CRTC1: variants seen among roughly 807,000 people sequenced by gnomAD.
The protein encoded by CRTC1 is CREB regulated transcription coactivator 1.
In CRTC1, 18 loss-of-function variants were observed where a neutral mutation model predicts 66.1. The ratio of observed to expected loss-of-function variants is 0.27; its 90% CI spans 0.19 to 0.40. The LOEUF is 0.40. Ranked by LOEUF, CRTC1 falls within the 10% of genes least tolerant of loss-of-function variation. CRTC1 has a pLI of 1.00. For missense variants in CRTC1, 669 were observed against 887.9 expected (o/e 0.75, Z 3.13); for synonymous variants, 416 against 398.8 (o/e 1.04, Z -0.51).
intron 1 of CRTC1, among the ~76,000 whole-genome samples, chr19:18,698,360 C>T (rs531034053): frequency 1.3e-5 from 2 of 150,948 alleles, no homozygotes; most frequent in Non-Finnish European, 3.0e-5. Context: ...ACAGTGTGTA[C>T]TCAGCAGGTG....
chr19:18,686,679 T>A (rs932518418), intron 1 of CRTC1, among the ~76,000 whole-genome samples: 9 of 152,190 alleles, frequency 5.9e-5, no homozygotes, highest in Admixed American at 5.9e-4. Flanking sequence ...TCTGAAGATA[T>A]GCAGGTGGCA....
chr19:18,765,696 C>T (rs2054717029), intron 9 of CRTC1, among the ~76,000 whole-genome samples, 168 bp downstream of exon 9: 1 of 152,218 alleles, frequency 6.6e-6, no homozygotes, highest in South Asian at 2.1e-4. Context: ...TGCCGTAGCT[C>T]ATGCCTGTAA....
chr19:18,777,472 A>G lies in CRTC1; in HGVS notation c.*90A>G. On this transcript the variant is annotated 3_prime_UTR_variant, in exon 14 of 14. Transcript: ENST00000321949. This position sits in a 1 kb window ranked among gnomAD's most constrained non-coding sequence, Gnocchi z 5.5. ...GTGCTCCGTCCCTCGCCAACGGCCG[A>G]GCTTGTGATTCTGAGCTTGCAATGC... is the stretch of plus-strand genomic sequence containing the variant. 2 of 1,238,818 alleles carry G rather than the reference A, an allele frequency of 1.6e-6. No homozygotes were observed. The highest frequency in any genetic ancestry group is 2.3e-6 in the Non-Finnish European group (2 of 856,430). 76.7% of individuals were successfully genotyped at this position (1,238,818 alleles called of 1,614,324 possible).
chr19:18,777,723 G>T lies in CRTC1; in HGVS notation c.*341G>T, dbSNP rs922301418. On this transcript the variant is annotated 3_prime_UTR_variant, in exon 14 of 14. Transcript: ENST00000321949. This position sits in a 1 kb window ranked among gnomAD's most constrained non-coding sequence, Gnocchi z 5.5. ...GATGCGGGAAGTGTCAGCTCCCGGC[G>T]TGGCGGGCAGGCTCAGGGGAGGGGC... 1 of 363,716 alleles carries T rather than the reference G, an allele frequency of 2.7e-6. No individual in the cohort carries two copies. Among genetic ancestry groups the T allele is most frequent in the Non-Finnish European group, 5.0e-6 (1 of 198,148 alleles). 22.5% of individuals were successfully genotyped at this position (363,716 alleles called of 1,614,324 possible).
chr19:18,771,993 C>G lies in CRTC1; in HGVS notation c.1425+447C>G, dbSNP rs781434280. The stretch of plus-strand genomic sequence containing the variant: ...CTGCAGCCCTGCTTTCCCCTTCACC[C>G]CATAGGCAGCTGTGTTTCTCCAGAA... On this transcript the variant is annotated intron_variant, in intron 11 of 13. Coordinates refer to ENST00000321949, the MANE Select transcript of CRTC1 (RefSeq NM_015321.3). The surrounding 1 kb of genome is among the most constrained non-coding windows in gnomAD (Gnocchi z 4.6). Among the ~76,000 whole-genome samples the G allele has an allele frequency of 1.3e-5, 2 of 152,184 alleles. No individual in the cohort carries two copies. Among genetic ancestry groups the G allele is most frequent in the Non-Finnish European group, 2.9e-5 (2 of 68,022 alleles).
chr19:18,700,382 C>T (rs984492590), intron 1 of CRTC1, among the ~76,000 whole-genome samples: 9 of 152,156 alleles, frequency 5.9e-5, no homozygotes, highest in South Asian at 2.1e-4. Context: ...GAGACCACCA[C>T]GGTGCTTGGG....
At chr19:18,747,207 C>T (rs965030778) in intron 4 of CRTC1, 93 bp downstream of exon 4, 17 of 955,892 alleles carry the variant, frequency 1.8e-5, no homozygotes, top group South Asian at 2.9e-5. Context: ...AGGACACAGT[C>T]GCTTAAACAA....
Position 18,683,682 on chromosome 19 carries a change from G to C in CRTC1, c.-21G>C. On this transcript the variant is annotated 5_prime_UTR_variant, in exon 1 of 14. Transcript: ENST00000321949. ...AGGAGGTGGAGGAGGAGGAGGAGGA[G>C]GAGGAGGTGGCGGCGAGAAGATGGC... 1 of 1,385,204 alleles carries C rather than the reference G, an allele frequency of 7.2e-7. No individual in the cohort carries two copies. Among genetic ancestry groups the C allele is most frequent in the Non-Finnish European group, 9.6e-7 (1 of 1,043,656 alleles). The allele number at this position is 1,385,204 out of a possible 1,614,324, so 85.8% of individuals were successfully genotyped here.
chr19:18,775,967 C>G, intron 13 of CRTC1, 146 bp downstream of exon 13: 1 of 843,812 alleles, frequency 1.2e-6, no homozygotes, highest in Non-Finnish European at 1.8e-6. Context: ...GAGGCCACAC[C>G]CCCTCTCCCC....
At chr19:18,770,830 G>C (rs1428687450) in intron 10 of CRTC1, among the ~76,000 whole-genome samples, 1 of 150,104 alleles carries the variant, frequency 6.7e-6, no homozygotes, top group Non-Finnish European at 1.5e-5. Flanking sequence ...GTGTGTCCAT[G>C]TGGGTGTGGG....
rs2054878456 is a variant in CRTC1 at position 18,771,937 on chromosome 19, GGCTGGCCCGCCC to G, written c.1425+394_1425+405del. 6.6e-6 allele frequency among the ~76,000 whole-genome samples: 1 copy of G among 152,208 alleles called. No individual in the cohort carries two copies. The highest frequency in any genetic ancestry group is 6.5e-5 in the Admixed American group (1 of 15,288). On this transcript the variant is annotated intron_variant, in intron 11 of 13. Transcript: ENST00000321949. The surrounding 1 kb of genome is among the most constrained non-coding windows in gnomAD (Gnocchi z 4.6). Reference sequence around the variant, plus strand: ...CCCGACTTGGGGGTGCAGCTGAGGTGGCTGGCCCGCCCGCAGGGAAGGCGCTGACTCTGCAGC... The same window carrying G: ...CCCGACTTGGGGGTGCAGCTGAGGTGGCAGGGAAGGCGCTGACTCTGCAGC...
Position 18,771,043 on chromosome 19 carries a change from T to C in CRTC1, c.1321-399T>C, listed in dbSNP as rs1263067070. Among the ~76,000 whole-genome samples, 1 of 151,856 alleles carries C rather than the reference T, an allele frequency of 6.6e-6. No individual in the cohort carries two copies. The highest frequency in any genetic ancestry group is 1.5e-5 in the Non-Finnish European group (1 of 67,858). On this transcript the variant is annotated intron_variant, in intron 10 of 13. Transcript: ENST00000321949. The surrounding 1 kb of genome is among the most constrained non-coding windows in gnomAD (Gnocchi z 4.6). ...ATATGTGCACATGTGTGGGTGTGCA[T>C]GTGTGGGTATGTATATTCTAGTGTG...
chr19:18,745,496 C>T (rs1227799495), intron 2 of CRTC1, among the ~76,000 whole-genome samples: 1 of 152,178 alleles, frequency 6.6e-6, no homozygotes, highest in East Asian at 1.9e-4. Flanking sequence ...AGGAGGGCTG[C>T]CTAGGCCGGC....
intron 1 of CRTC1, among the ~76,000 whole-genome samples, chr19:18,689,564 CATATATATATAT>C (rs10616884): frequency 2.6e-5 from 1 of 38,338 alleles, no homozygotes; most frequent in Middle Eastern, 9.3e-3. Flanking sequence ...AATTGATGGC[CATATATATATAT>C]ATATATATAT....
At chr19:18,716,656 C>T (rs548929023) in intron 1 of CRTC1, among the ~76,000 whole-genome samples, 12 of 152,244 alleles carry the variant, frequency 7.9e-5, no homozygotes, top group African/African-American at 2.4e-4. Flanking sequence ...TAGGGGCTAG[C>T]GAGTAGAGCA....
chr19:18,719,040 G>A (rs561490253), intron 1 of CRTC1, among the ~76,000 whole-genome samples: 16 of 152,190 alleles, frequency 1.1e-4, no homozygotes, highest in Non-Finnish European at 1.9e-4. Context: ...GTCTGGGTGC[G>A]AGATGACACG....
chr19:18,727,094 A>G (rs1484050027), intron 1 of CRTC1, among the ~76,000 whole-genome samples: 1 of 152,030 alleles, frequency 6.6e-6, no homozygotes, highest in African/African-American at 2.4e-5. Context: ...AAAAAATTAG[A>G]AAATAATTGG....
At chr19:18,718,852 T>A (rs2053563197) in intron 1 of CRTC1, among the ~76,000 whole-genome samples, 1 of 152,120 alleles carries the variant, frequency 6.6e-6, no homozygotes, top group South Asian at 2.1e-4. Context: ...GCATGTCACT[T>A]GTTGAGGAAC....
At chr19:18,714,876 C>G (rs890755596) in intron 1 of CRTC1, among the ~76,000 whole-genome samples, 1 of 152,276 alleles carries the variant, frequency 6.6e-6, no homozygotes, top group Non-Finnish European at 1.5e-5. Flanking sequence ...TGGAGGGCCT[C>G]TCCTGCCCCC....
Sources: allele counts gnomAD v4.1 joint callset (sites outside exome capture counted in the v4.1 genomes callset), GRCh38; gene constraint gnomAD v4.1.1; non-coding constraint Gnocchi (gnomAD v3.1); transcripts MANE v1.5; gene names NCBI Gene and HGNC (gene_info 2026-07-23, HGNC 2026-07-21).